ATG3: variants seen among roughly 807,000 people sequenced by gnomAD.
ATG3 encodes the protein ubiquitin-like-conjugating enzyme ATG3.
Under a neutral mutation model 50.7 loss-of-function variants are expected in ATG3, and 25 were observed. The ratio of observed to expected loss-of-function variants is 0.49; its 90% CI spans 0.36 to 0.69. The LOEUF is 0.69. Ranked by LOEUF, ATG3 falls within the 30% of genes least tolerant of loss-of-function variation. The pLI, the probability that ATG3 is intolerant of heterozygous loss-of-function variation, is 0.00. For synonymous variants in ATG3, 119 were observed against 125.5 expected (o/e 0.95, Z 0.34); for missense variants, 281 against 376.0 (o/e 0.75, Z 2.09).
intron 1 of ATG3, among the ~76,000 whole-genome samples, chr3:112,559,045 T>C (rs1933765586): frequency 6.6e-6 from 1 of 152,262 alleles, no homozygotes; most frequent in South Asian, 2.1e-4. Context: ...GGCCAAGCTC[T>C]ATGTACAAAC....
intron 6 of ATG3, among the ~76,000 whole-genome samples, chr3:112,543,062 A>C (rs369197702): frequency 1.6e-4 from 24 of 152,210 alleles, no homozygotes; most frequent in South Asian, 2.1e-4. Flanking sequence ...AACAAACAAA[A>C]AAAAAACTTG....
At chr3:112,560,581 GA>G (rs534639165) in intron 1 of ATG3, among the ~76,000 whole-genome samples, 20 of 144,242 alleles carry the variant, frequency 1.4e-4, no homozygotes, top group African/African-American at 2.5e-4. Context: ...AAAACAACTA[GA>G]AAAAAAAAAC....
At chr3:112,558,990 C>T (rs1933762737) in intron 1 of ATG3, among the ~76,000 whole-genome samples, 1 of 152,172 alleles carries the variant, frequency 6.6e-6, no homozygotes, top group African/African-American at 2.4e-5. Flanking sequence ...CCACCCGCCT[C>T]GGCCTCCCAA....
At chr3:112,548,157 T>A (rs1336035353) in intron 5 of ATG3, among the ~76,000 whole-genome samples, 1 of 152,052 alleles carries the variant, frequency 6.6e-6, no homozygotes, top group East Asian at 1.9e-4. Context: ...ATGGAGACCA[T>A]CATGACCAAC....
At position 112,561,379 on chromosome 3, in the gene ATG3, CG is replaced by C; in HGVS notation, c.72+77del. 3.4e-6 allele frequency: 5 copies of C among 1,467,108 alleles called. No individual in the cohort carries two copies. The East Asian group carries it at 1.1e-4, about 34-fold the overall frequency. The allele number at this position is 1,467,108 out of a possible 1,614,324, so 90.9% of individuals were successfully genotyped here. On this transcript the variant is annotated intron_variant, in intron 1 of 11. Transcript: ENST00000283290. ...CTACACCTTGCCCCGCCGGAGAAAG[CG>C]GGGACTCCTGCGGCGCCTGGTCCCT...
At chr3:112,556,552 A>G (rs1198780666) in intron 2 of ATG3, among the ~76,000 whole-genome samples, 1 of 152,240 alleles carries the variant, frequency 6.6e-6, no homozygotes, top group Middle Eastern at 3.2e-3. Context: ...AGAACGGGCC[A>G]TGATGACAAT....
At chr3:112,545,865 A>T (rs1933354913) in intron 5 of ATG3, among the ~76,000 whole-genome samples, 1 of 152,178 alleles carries the variant, frequency 6.6e-6, no homozygotes, top group African/African-American at 2.4e-5. Context: ...ACCATTCTAG[A>T]TATTGCTGAA....
intron 5 of ATG3, among the ~76,000 whole-genome samples, chr3:112,546,472 A>C (rs1252857397): frequency 6.6e-6 from 1 of 152,216 alleles, no homozygotes; most frequent in African/African-American, 2.4e-5. Flanking sequence ...CAAAAATTAA[A>C]ACTGATGAAT....
chr3:112,560,990 T>G (rs1050014644), intron 1 of ATG3, among the ~76,000 whole-genome samples: 3 of 152,162 alleles, frequency 2.0e-5, no homozygotes. Flanking sequence ...GGGATCGCAG[T>G]CACAACTTCC....
chr3:112,557,224 T>C (rs1198599130), intron 2 of ATG3, among the ~76,000 whole-genome samples: 6 of 147,654 alleles, frequency 4.1e-5, no homozygotes, highest in African/African-American at 1.5e-4. Flanking sequence ...GCTAATTTTT[T>C]ATATTTTTAG....
chr3:112,535,686 A>G (rs1933023094), intron 10 of ATG3: 1 of 152,198 alleles, frequency 6.6e-6, no homozygotes, highest in South Asian at 2.1e-4. Context: ...GAATATGAGA[A>G]GAAAATATTA....
At chr3:112,534,228 A>T in intron 11 of ATG3, 41 bp downstream of exon 11, 2 of 1,590,208 alleles carry the variant, frequency 1.3e-6, no homozygotes, top group Non-Finnish European at 1.7e-6. Context: ...AAAATCGTTA[A>T]CAGCCATTTT....
intron 4 of ATG3, among the ~76,000 whole-genome samples, chr3:112,549,367 A>G (rs1217596523): frequency 1.3e-5 from 2 of 152,226 alleles, no homozygotes; most frequent in Admixed American, 1.3e-4. Context: ...TATGCTGTAG[A>G]AAAGAAAAAA....
At chr3:112,559,348 A>G (rs1448915771) in intron 1 of ATG3, among the ~76,000 whole-genome samples, 1 of 152,210 alleles carries the variant, frequency 6.6e-6, no homozygotes, top group Non-Finnish European at 1.5e-5. Context: ...CTCATTTATA[A>G]ACATTATTCA....
At position 112,532,746 on chromosome 3, in the gene ATG3, C is replaced by A. The variant is rs775794279; in HGVS notation, c.898G>T (p.Val300Phe). ...LLIFLKFVQA[V>F]IPTIEYDYTR... is the part of the protein sequence containing the mutation. ...TAGTCATATTCTATTGTTGGAATGA[C>A]AGCTTGTACAAATTTCAAGAAAATA... The change falls in exon 12 of 12, where the codon GTC (valine) becomes TTC (phenylalanine). Residue 300 changes from valine to phenylalanine, a missense_variant. Physicochemically the swap from Val to Phe is conservative, Grantham distance 50. Transcript: ENST00000283290. The A allele has an allele frequency of 6.3e-7, 1 of 1,599,024 alleles. No individual in the cohort carries two copies.
intron 10 of ATG3, chr3:112,535,770 T>C (rs910836735): frequency 6.6e-6 from 1 of 152,208 alleles, no homozygotes; most frequent in Admixed American, 6.5e-5. Context: ...TGAGTTTCAC[T>C]GAAAAATATT....
At chr3:112,558,520 C>A in intron 1 of ATG3, 103 bp from the exon 2 acceptor site, 1 of 870,558 alleles carries the variant, frequency 1.1e-6, no homozygotes, top group Admixed American at 2.2e-5. Context: ...GGCAATAGAG[C>A]ACATACAAAA....
chr3:112,544,999 C>T (rs1933335175), intron 5 of ATG3, among the ~76,000 whole-genome samples: 1 of 152,080 alleles, frequency 6.6e-6, no homozygotes, highest in African/African-American at 2.4e-5. Context: ...TTGTTATTTG[C>T]TTCAGAAATG....
chr3:112,536,641 G>T, intron 9 of ATG3, 39 bp from the exon 10 acceptor site: 2 of 1,607,902 alleles, frequency 1.2e-6, no homozygotes, highest in South Asian at 2.2e-5. Flanking sequence ...ACTATTTAAG[G>T]CCGGGTGCAG....
Sources: gnomAD v4.1 joint callset for allele counts (sites outside exome capture counted in the v4.1 genomes callset) on GRCh38, gnomAD v4.1.1 for gene constraint, MANE v1.5 for transcripts, NCBI Gene and HGNC (gene_info 2026-07-23, HGNC 2026-07-21) for gene names.